The following TNMD variants were observed in gnomAD, a reference collection of about 807,000 sequenced individuals.
TNMD encodes tenomodulin.
A neutral mutation model predicts 26.9 loss-of-function variants in TNMD; 15 were observed. The observed-to-expected ratio is 0.56, with a 90% CI of 0.37 to 0.86. The LOEUF (loss-of-function observed/expected upper bound fraction) is 0.86. Among genes scored for constraint, TNMD ranks in the 40% least tolerant of loss-of-function variants. The probability of loss-of-function intolerance (pLI) is 0.00; values close to 1 mark genes in which losing one functional copy is unlikely to be tolerated. For missense variants in TNMD, 222 were observed against 242.6 expected (o/e 0.92, Z 0.56); for synonymous variants, 73 against 77.0 (o/e 0.95, Z 0.27).
At chrX:100,594,234 T>A (rs2082946503) in intron 3 of TNMD, 27 bp from the exon 4 acceptor site, 1 of 1,111,615 alleles carries the variant, frequency 9.0e-7, no homozygotes, top group African/African-American at 1.8e-5. Flanking sequence ...TTTGGGAAGC[T>A]TTATTGTTGT....
At chrX:100,588,325 C>G (rs988079085) in intron 2 of TNMD, among the ~76,000 whole-genome samples, 1 of 110,946 alleles carries the variant, frequency 9.0e-6, no homozygotes, top group Non-Finnish European at 1.9e-5. Context: ...CACACACACA[C>G]AGACCAGAGA....
chrX:100,595,721 G>A (rs2082951049), intron 4 of TNMD, among the ~76,000 whole-genome samples: 1 of 110,412 alleles, frequency 9.1e-6, no homozygotes, highest in African/African-American at 3.3e-5. Context: ...ACTAGAATTT[G>A]CAAGAAAAAA....
At chrX:100,591,736 C>T (rs2147607243) in intron 2 of TNMD, among the ~76,000 whole-genome samples, 1 of 111,866 alleles carries the variant, frequency 8.9e-6, no homozygotes, top group Admixed American at 9.5e-5. Context: ...TCATTACTAA[C>T]ATAAAGCCAA....
At position 100,599,597 on chromosome X, in the gene TNMD, C is replaced by T. The variant is rs769642103; in HGVS notation, c.834C>T (p.Arg278=). The stretch of plus-strand genomic sequence containing the variant: ...GTCGAGGCAACCGCTATTGCCGCCG[C>T]GTCTGTGAACCTTTACTAGGCTACT... ...YCRRGNRYCR[R]VCEPLLGYYP... is the part of the protein sequence containing the mutation. Residue 278 remains arginine, a synonymous_variant, in exon 7 of 7, where the codon CGC becomes CGT. Coordinates refer to ENST00000373031, the MANE Select transcript of TNMD (RefSeq NM_022144.3). 9.9e-6 allele frequency: 12 copies of T among 1,211,020 alleles called. No homozygotes were observed. Among genetic ancestry groups the T allele is most frequent in the Middle Eastern group, 2.3e-4 (1 of 4,352 alleles).
chrX:100,588,471 C>T (rs1346945778), intron 2 of TNMD, among the ~76,000 whole-genome samples: 1 of 111,429 alleles, frequency 9.0e-6, no homozygotes, highest in African/African-American at 3.3e-5. Context: ...CAGGTCCATC[C>T]AGCTCTGAAT....
chrX:100,592,019 C>G, intron 2 of TNMD, among the ~76,000 whole-genome samples: 1 of 111,425 alleles, frequency 9.0e-6, no homozygotes, highest in Non-Finnish European at 1.9e-5. Context: ...CCCAGGTAGG[C>G]AGTGTTCCAG....
At chrX:100,597,708 G>A in intron 5 of TNMD, 51 bp downstream of exon 5, 1 of 1,111,362 alleles carries the variant, frequency 9.0e-7, no homozygotes, top group Non-Finnish European at 1.2e-6. Context: ...ACAGTAACAG[G>A]TTAATGTTCC....
intron 2 of TNMD, among the ~76,000 whole-genome samples, 183 bp downstream of exon 2, chrX:100,585,545 G>A (rs372857854): frequency 1.8e-5 from 2 of 109,779 alleles, no homozygotes; most frequent in African/African-American, 6.7e-5. Flanking sequence ...TTTGGTAAGG[G>A]AAAAAAATTT....
intron 4 of TNMD, among the ~76,000 whole-genome samples, chrX:100,595,207 G>A (rs1602689101): frequency 8.9e-6 from 1 of 111,861 alleles, no homozygotes; most frequent in Admixed American, 9.5e-5. Flanking sequence ...CATTGGTTTG[G>A]TTTGGTTTAG....
At chrX:100,593,795 C>A (rs902928784) in intron 2 of TNMD, 100 bp from the exon 3 acceptor site, 1 of 865,068 alleles carries the variant, frequency 1.2e-6, no homozygotes, top group Non-Finnish European at 1.6e-6. Context: ...TTCAAAATAC[C>A]AGCTCTGAAG....
At chrX:100,589,362 CAAAAAAA>C (rs60496840) in intron 2 of TNMD, among the ~76,000 whole-genome samples, 10 of 60,929 alleles carry the variant, frequency 1.6e-4, no homozygotes, top group Admixed American at 8.0e-4. Context: ...TTGGCATTTT[CAAAAAAA>C]AAAAAAAAAA....
At chrX:100,589,362 C>CAAA (rs60496840) in intron 2 of TNMD, among the ~76,000 whole-genome samples, 1 of 60,929 alleles carries the variant, frequency 1.6e-5, no homozygotes, top group Non-Finnish European at 3.2e-5. Context: ...TTGGCATTTT[C>CAAA]AAAAAAAAAA....
chrX:100,596,753 G>A (rs551321070), intron 4 of TNMD, among the ~76,000 whole-genome samples: 85 of 111,752 alleles, frequency 7.6e-4, no homozygotes, highest in African/African-American at 2.5e-3. Context: ...AAATGATTCC[G>A]GGAGAAATTA....
intron 6 of TNMD, 133 bp downstream of exon 6, chrX:100,599,315 A>T: frequency 1.4e-6 from 1 of 696,135 alleles, no homozygotes; most frequent in Admixed American, 4.0e-5. Context: ...TGTTTAAGAA[A>T]CTTGGAATCT....
intron 4 of TNMD, 128 bp from the exon 5 acceptor site, chrX:100,597,376 G>A (rs942625155): frequency 1.0e-5 from 8 of 792,120 alleles, no homozygotes; most frequent in Non-Finnish European, 1.5e-5. Flanking sequence ...CACAGAGCTA[G>A]TTCACCAGCA....
At chrX:100,590,724 T>G (rs763055051) in intron 2 of TNMD, among the ~76,000 whole-genome samples, 3 of 111,692 alleles carry the variant, frequency 2.7e-5, no homozygotes, top group African/African-American at 9.8e-5. Flanking sequence ...CTGGTTCTTA[T>G]AGTTAAGGCC....
At chrX:100,592,872 T>C (rs1256344724) in intron 2 of TNMD, among the ~76,000 whole-genome samples, 1 of 111,723 alleles carries the variant, frequency 9.0e-6, no homozygotes, top group African/African-American at 3.3e-5. Context: ...ATTTTTTTCA[T>C]AAGGAAAAAT....
At chrX:100,589,542 C>A (rs1477408198) in intron 2 of TNMD, among the ~76,000 whole-genome samples, 1 of 110,706 alleles carries the variant, frequency 9.0e-6, no homozygotes, top group East Asian at 2.8e-4. Context: ...CTTAGTCAGT[C>A]TCTTCATTCT....
chrX:100,598,110 T>C (rs1270844203), intron 5 of TNMD, among the ~76,000 whole-genome samples: 1 of 111,893 alleles, frequency 8.9e-6, no homozygotes, highest in Non-Finnish European at 1.9e-5. Flanking sequence ...CAAATTTCTT[T>C]GTTGCTGTTT....
Sources: allele counts gnomAD v4.1 joint callset (sites outside exome capture counted in the v4.1 genomes callset), GRCh38; gene constraint gnomAD v4.1.1; transcripts MANE v1.5; gene names NCBI Gene and HGNC (gene_info 2026-07-23, HGNC 2026-07-21).